EDRF1: variants seen among roughly 807,000 people sequenced by gnomAD.
EDRF1 encodes erythroid differentiation-related factor 1.
EDRF1 carries 69 observed loss-of-function variants against 148.7 expected under a neutral mutation model. That is an observed-to-expected ratio of 0.46 (90% CI 0.38 to 0.57). EDRF1 has a LOEUF of 0.57. EDRF1 is among the 20% of genes least tolerant of loss of function. The pLI, the probability that EDRF1 is intolerant of heterozygous loss-of-function variation, is 0.00. For missense variants in EDRF1, 1,118 were observed against 1,478.7 expected (o/e 0.76, Z 4.00); for synonymous variants, 515 against 532.8 (o/e 0.97, Z 0.46).
At chr10:125,740,967 T>G in intron 16 of EDRF1, 34 bp from the exon 17 acceptor site, 1 of 1,602,282 alleles carries the variant, frequency 6.2e-7, no homozygotes, top group Non-Finnish European at 8.5e-7. Flanking sequence ...TTTCTGCATT[T>G]GTGTTTTTTC....
intron 24 of EDRF1, among the ~76,000 whole-genome samples, chr10:125,755,969 T>C (rs1849883308): frequency 6.6e-6 from 1 of 152,120 alleles, no homozygotes; most frequent in African/African-American, 2.4e-5. Context: ...TTTCTGCCGT[T>C]CATTTCCTTC....
At chr10:125,755,025 A>C (rs1849832538) in intron 24 of EDRF1, among the ~76,000 whole-genome samples, 1 of 152,134 alleles carries the variant, frequency 6.6e-6, no homozygotes, top group African/African-American at 2.4e-5. Flanking sequence ...CACTCCAAGA[A>C]TTCCCTCCTG....
rs756854791 is a variant in EDRF1, at chr10:125,725,725, G to C, written c.679G>C (p.Glu227Gln). Reference sequence around the variant, plus strand: ...CGCTCAGCCTGTCTCATCCACCGCAGAACAGCAGGAATCGTCCAGTTCAGA... The same window carrying C: ...CGCTCAGCCTGTCTCATCCACCGCACAACAGCAGGAATCGTCCAGTTCAGA... Reference protein sequence around the residue: ...GAAQPVSSTAEQQESSSSDQT... With the variant: ...GAAQPVSSTAQQQESSSSDQT... The change falls in exon 6 of 25, where the codon GAA (glutamate) becomes CAA (glutamine). Residue 227 changes from glutamate to glutamine, a missense_variant. By Grantham distance (29) the Glu-to-Gln change is conservative. Around this residue, in one of 3 missense-constraint regions of EDRF1, gnomAD observed 954 missense variants for 1,241.4 expected, o/e 0.77. Coordinates refer to ENST00000356792, the MANE Select transcript of EDRF1 (RefSeq NM_001202438.2). The C allele has an allele frequency of 1.5e-5, 24 of 1,614,124 alleles. No homozygotes were observed. In the South Asian group the frequency reaches 2.4e-4, roughly 16 times the overall value.
rs541302318 is a variant in EDRF1 at position 125,749,205 on chromosome 10, C to T, written c.3124-207C>T. 3.5e-5 allele frequency: 20 copies of T among 566,556 alleles called. 1 individual carries two copies. The highest frequency in any genetic ancestry group is 4.9e-4 in the Middle Eastern group (1 of 2,024). 35.1% of individuals were successfully genotyped at this position (566,556 alleles called of 1,614,324 possible). ...GAGGTTGCAGTGAGCCAGGATTGCA[C>T]CACTGCATCTCCAGCCTGGGCGACA... is the stretch of plus-strand genomic sequence containing the variant. On this transcript the variant is annotated intron_variant, in intron 21 of 24. Coordinates refer to ENST00000356792, the MANE Select transcript of EDRF1 (RefSeq NM_001202438.2).
intron 24 of EDRF1, among the ~76,000 whole-genome samples, chr10:125,755,868 A>AT (rs138912715): frequency 7.6e-4 from 113 of 148,800 alleles, no homozygotes; most frequent in Non-Finnish European, 1.2e-3. Context: ...GAAGTTTTCG[A>AT]TTTTTTTTTT....
chr10:125,734,018 T>C, intron 11 of EDRF1, 54 bp from the exon 12 acceptor site: 1 of 1,380,572 alleles, frequency 7.2e-7, no homozygotes, highest in Admixed American at 1.7e-5. Context: ...TAGACTTGAG[T>C]CTTGCAGACA....
At chr10:125,735,218 A>G (rs907211623) in intron 12 of EDRF1, among the ~76,000 whole-genome samples, 1 of 151,908 alleles carries the variant, frequency 6.6e-6, no homozygotes, top group African/African-American at 2.4e-5. Context: ...AGAACCATAG[A>G]TTATATGATA....
Position 125,745,893 on chromosome 10 carries a change from G to T in EDRF1, c.2777G>T (p.Arg926Leu). 1 of 1,614,228 alleles carries T rather than the reference G, an allele frequency of 6.2e-7. No homozygotes were observed. Among genetic ancestry groups the T allele is most frequent in the Non-Finnish European group, 8.5e-7 (1 of 1,180,038 alleles). Reference protein sequence around the residue: ...AHCGAGDELKREFSPEEGLYY... With the variant: ...AHCGAGDELKLEFSPEEGLYY... ...TGTGGTGCAGGGGATGAACTGAAACGTGAATTTTCACCAGAAGAAGGCTTG... is the reference window on the plus strand; with the variant it reads ...TGTGGTGCAGGGGATGAACTGAAACTTGAATTTTCACCAGAAGAAGGCTTG... The change falls in exon 19 of 25, where the codon CGT (arginine) becomes CTT (leucine). Residue 926 changes from arginine (R) to leucine (L), a missense_variant. By Grantham distance (102) the Arg-to-Leu change is moderately radical. Coordinates refer to ENST00000356792, the MANE Select transcript of EDRF1 (RefSeq NM_001202438.2).
chr10:125,743,131 T>C lies in EDRF1; in HGVS notation c.2445T>C (p.Ala815=). The change falls in exon 18 of 25, where the codon GCT becomes GCC. Residue 815 remains alanine (A), a synonymous_variant. Transcript: ENST00000356792. ...CTGTTAGTTGTAAATGTTATGAGGC[T>C]GCTAATGAAATCTTGCAGTTTAGTG... ...QLSVSCKCYE[A]ANEILQFSDL... 6.2e-7 allele frequency: 1 copy of C among 1,613,990 alleles called. No homozygotes were observed. Among genetic ancestry groups the C allele is most frequent in the Non-Finnish European group, 8.5e-7 (1 of 1,179,946 alleles).
intron 9 of EDRF1, among the ~76,000 whole-genome samples, chr10:125,731,218 T>G: frequency 6.6e-6 from 1 of 152,178 alleles, no homozygotes; most frequent in East Asian, 1.9e-4. Flanking sequence ...AGCTTGGTTG[T>G]TATTCAGAAA....
At chr10:125,727,203 C>T (rs1050186926) in intron 6 of EDRF1, among the ~76,000 whole-genome samples, 4 of 152,170 alleles carry the variant, frequency 2.6e-5, no homozygotes, top group South Asian at 2.1e-4. Context: ...CCACTGTGTC[C>T]GTGTACTCCA....
chr10:125,723,151 G>A lies in EDRF1; in HGVS notation c.384+17G>A, dbSNP rs756416043. Reference sequence around the variant, plus strand: ...GACTCTGAAGTAAGTGTTATTTGTCGCTTAATGTAATTTTGGAGGTGTTTT... The same window carrying A: ...GACTCTGAAGTAAGTGTTATTTGTCACTTAATGTAATTTTGGAGGTGTTTT... On this transcript the variant is annotated intron_variant, in intron 3 of 24. Coordinates refer to ENST00000356792, the MANE Select transcript of EDRF1 (RefSeq NM_001202438.2). The A allele has an allele frequency of 2.7e-5, 44 of 1,610,270 alleles. No homozygotes were observed. The highest frequency in any genetic ancestry group is 1.1e-4 in the East Asian group (5 of 44,782).
chr10:125,740,236 T>C (rs553421842), intron 15 of EDRF1, among the ~76,000 whole-genome samples: 2 of 152,304 alleles, frequency 1.3e-5, no homozygotes, highest in South Asian at 2.1e-4. Context: ...TGGAAGAGAA[T>C]GACAGAGTTG....
At chr10:125,724,867 G>A (rs1848177462) in intron 4 of EDRF1, among the ~76,000 whole-genome samples, 1 of 152,214 alleles carries the variant, frequency 6.6e-6, no homozygotes, top group African/African-American at 2.4e-5. Context: ...AAATTATGGT[G>A]AGGTAAATGA....
At chr10:125,752,984 C>T (rs889516169) in intron 23 of EDRF1, 70 bp downstream of exon 23, 40 of 1,094,258 alleles carry the variant, frequency 3.7e-5, no homozygotes, top group Middle Eastern at 4.0e-4. Context: ...ATATAGTGGA[C>T]GTGTGTGTGT....
rs189166404 is a variant in EDRF1, at chr10:125,735,118, A to G, written c.1498-526A>G. On this transcript the variant is annotated intron_variant, in intron 12 of 24. Transcript: ENST00000356792. ...CTGTGATTAAGAACTGATAAATAGT[A>G]GAATGGGTTAAATGGTCATATATAA... Among the ~76,000 whole-genome samples the G allele has an allele frequency of 4.8e-3, 727 of 152,302 alleles. 1 individual carries two copies. The highest frequency in any genetic ancestry group is 0.016 in the African/African-American group (685 of 41,576).
intron 24 of EDRF1, chr10:125,756,817 T>C: frequency 4.6e-6 from 2 of 436,718 alleles, no homozygotes; most frequent in South Asian, 3.3e-5. Context: ...CTTATATTTA[T>C]GTTTAGTTTT....
At chr10:125,753,525 A>G (rs1589870932) in intron 23 of EDRF1, among the ~76,000 whole-genome samples, 169 bp from the exon 24 acceptor site, 1 of 152,162 alleles carries the variant, frequency 6.6e-6, no homozygotes, top group African/African-American at 2.4e-5. Context: ...AGACATTTTA[A>G]TTATGTGTTT....
At chr10:125,738,966 A>G (rs767268227) in intron 15 of EDRF1, among the ~76,000 whole-genome samples, 6 of 152,224 alleles carry the variant, frequency 3.9e-5, no homozygotes, top group Non-Finnish European at 8.8e-5. Context: ...ATAAGCTACA[A>G]ATGTCACTTT....
Sources: allele counts gnomAD v4.1 joint callset (sites outside exome capture counted in the v4.1 genomes callset), GRCh38; gene constraint gnomAD v4.1.1; regional missense constraint gnomAD v4.1.1; transcripts MANE v1.5; gene names NCBI Gene and HGNC (gene_info 2026-07-23, HGNC 2026-07-21).